CPED1: variants seen among roughly 807,000 people sequenced by gnomAD.
CPED1 encodes cadherin-like and PC-esterase domain-containing protein 1.
A neutral mutation model predicts 128.2 loss-of-function variants in CPED1; 114 were observed. The observed-to-expected ratio is 0.89, with a 90% CI of 0.76 to 1.04. The LOEUF is 1.04. CPED1 is among the 50% of genes least tolerant of loss of function. CPED1 has a pLI of 0.00. For missense variants in CPED1, 1,211 were observed against 1,207.1 expected, an observed-to-expected ratio of 1.00 and a Z score of -0.05; for synonymous variants, 462 against 426.7, an observed-to-expected ratio of 1.08 and a Z score of -1.02.
intron 18 of CPED1, among the ~76,000 whole-genome samples, chr7:121,259,679 C>A (rs941672447): frequency 1.3e-5 from 2 of 151,924 alleles, no homozygotes; most frequent in African/African-American, 4.8e-5. Context: ...ATATGACAAT[C>A]AAATTTACAA....
chr7:121,273,424 A>C (rs1004571114), intron 22 of CPED1, among the ~76,000 whole-genome samples: 1 of 152,058 alleles, frequency 6.6e-6, no homozygotes, highest in African/African-American at 2.4e-5. Context: ...GGGGAGGTAG[A>C]GGCAGGAGAA....
intron 2 of CPED1, among the ~76,000 whole-genome samples, chr7:121,012,490 A>G (rs1245865025): frequency 6.6e-6 from 1 of 152,248 alleles, no homozygotes; most frequent in Non-Finnish European, 1.5e-5. Flanking sequence ...TACCTTTGGA[A>G]TTGTGGGAAT....
chr7:121,286,828 A>T (rs1244477752), intron 22 of CPED1, among the ~76,000 whole-genome samples: 1 of 152,162 alleles, frequency 6.6e-6, no homozygotes, highest in Non-Finnish European at 1.5e-5. Flanking sequence ...TACTGCTATA[A>T]AGGACTTCCT....
At chr7:120,999,528 T>C (rs933598602) in intron 2 of CPED1, among the ~76,000 whole-genome samples, 1 of 152,192 alleles carries the variant, frequency 6.6e-6, no homozygotes, top group Non-Finnish European at 1.5e-5. Context: ...TTTTAACAGA[T>C]TGATCCTACC....
chr7:121,275,417 A>G (rs993265987), intron 22 of CPED1, among the ~76,000 whole-genome samples: 76 of 152,176 alleles, frequency 5.0e-4, no homozygotes, highest in African/African-American at 1.8e-3. Flanking sequence ...AACAGGATCC[A>G]GGTAGCTCTT....
At chr7:121,038,438 C>A (rs987154832) in intron 3 of CPED1, among the ~76,000 whole-genome samples, 1 of 152,072 alleles carries the variant, frequency 6.6e-6, no homozygotes, top group Non-Finnish European at 1.5e-5. Flanking sequence ...ATTATTTTTA[C>A]CTTCAGCATT....
In CPED1 at chr7:121,141,018, G is replaced by A; in HGVS notation, c.1886+5G>A. The A allele has an allele frequency of 6.2e-7, 1 of 1,604,804 alleles. No individual in the cohort carries two copies. Among genetic ancestry groups the A allele is most frequent in the South Asian group, 1.1e-5 (1 of 89,330 alleles). Reference sequence around the variant, plus strand: ...GTACGAGCAGGCAGGGCCAAGGTATGAGATGTTGACTGGGGCTGTGTTGAG... The same window carrying A: ...GTACGAGCAGGCAGGGCCAAGGTATAAGATGTTGACTGGGGCTGTGTTGAG... On this transcript the variant is annotated splice_donor_5th_base_variant and intron_variant, in intron 15 of 22. Coordinates refer to ENST00000310396, the MANE Select transcript of CPED1 (RefSeq NM_024913.5).
At chr7:121,071,292 G>A (rs1793983948) in intron 5 of CPED1, among the ~76,000 whole-genome samples, 1 of 152,016 alleles carries the variant, frequency 6.6e-6, no homozygotes, top group South Asian at 2.1e-4. Flanking sequence ...CCCATCCAGT[G>A]GTCTAGTCCT....
intron 12 of CPED1, 47 bp downstream of exon 12, chr7:121,130,341 T>G (rs567521138): frequency 6.7e-7 from 1 of 1,487,480 alleles, no homozygotes; most frequent in South Asian, 1.3e-5. Flanking sequence ...AAATCTCTAG[T>G]TTACAGATTG....
intron 7 of CPED1, among the ~76,000 whole-genome samples, chr7:121,110,714 T>A (rs899149853): frequency 6.6e-6 from 1 of 152,190 alleles, no homozygotes; most frequent in Non-Finnish European, 1.5e-5. Context: ...TTTTTCCCTA[T>A]GGGCAAAGGG....
At chr7:121,008,900 A>T (rs1792092789) in intron 2 of CPED1, among the ~76,000 whole-genome samples, 1 of 152,198 alleles carries the variant, frequency 6.6e-6, no homozygotes, top group Non-Finnish European at 1.5e-5. Flanking sequence ...AACAAGCCAG[A>T]GGACAGAGGC....
chr7:121,289,520 C>T (rs929238531), intron 22 of CPED1, among the ~76,000 whole-genome samples: 20 of 152,032 alleles, frequency 1.3e-4, no homozygotes, highest in Non-Finnish European at 2.2e-4. Flanking sequence ...AGCTCATTTG[C>T]AATGTAACTA....
chr7:121,225,014 T>C (rs184838222), intron 16 of CPED1, among the ~76,000 whole-genome samples: 122 of 152,200 alleles, frequency 8.0e-4, no homozygotes, highest in South Asian at 2.1e-3. Context: ...GAGCCTGTCA[T>C]TATGATGTTA....
intron 22 of CPED1, among the ~76,000 whole-genome samples, chr7:121,274,957 C>T (rs1343903705): frequency 6.6e-6 from 1 of 151,924 alleles, no homozygotes; most frequent in African/African-American, 2.4e-5. Flanking sequence ...TCTTATGAGC[C>T]TGGCAAATAA....
intron 17 of CPED1, 91 bp from the exon 18 acceptor site, chr7:121,244,111 C>T: frequency 1.4e-6 from 2 of 1,457,854 alleles, no homozygotes; most frequent in South Asian, 1.1e-5. Context: ...ACTATAATTT[C>T]TGAAATGGTG....
chr7:121,053,070 A>C (rs1053614207), intron 4 of CPED1, among the ~76,000 whole-genome samples: 2 of 152,208 alleles, frequency 1.3e-5, no homozygotes, highest in South Asian at 4.1e-4. Flanking sequence ...TTGCAAAAAT[A>C]ATACAAAGAT....
chr7:121,123,822 A>T (rs759804086), intron 7 of CPED1, among the ~76,000 whole-genome samples: 12 of 152,198 alleles, frequency 7.9e-5, no homozygotes, highest in Non-Finnish European at 1.5e-4. Context: ...AGCAACTTTG[A>T]TATATTTATT....
At chr7:121,258,738 C>T (rs1028706974) in intron 18 of CPED1, among the ~76,000 whole-genome samples, 3 of 151,972 alleles carry the variant, frequency 2.0e-5, no homozygotes, top group African/African-American at 4.8e-5. Flanking sequence ...AAATTGTGTA[C>T]GTACCTAAAT....
rs755272926 is a variant in CPED1, at chr7:120,989,798, C to G, written c.177C>G (p.Ser59Arg). 4.4e-5 allele frequency: 71 copies of G among 1,613,956 alleles called. No homozygotes were observed. The highest frequency in any genetic ancestry group is 5.8e-5 in the Non-Finnish European group (68 of 1,180,034). Residue 59 changes from serine (S) to arginine (R), a missense_variant, in exon 2 of 23, where the codon AGC becomes AGG. By Grantham distance (110) the Ser-to-Arg change is moderately radical (BLOSUM62 -1). Coordinates refer to ENST00000310396, the MANE Select transcript of CPED1 (RefSeq NM_024913.5). Reference sequence around the variant, plus strand: ...ACACATCCACTGAAACCCAGGCAAGCAGATGCAAGAAAGGATTCTCTCAGG... The same window carrying G: ...ACACATCCACTGAAACCCAGGCAAGGAGATGCAAGAAAGGATTCTCTCAGG... ...VPHTSTETQA[S>R]RCKKGFSQDK...
Sources: allele counts gnomAD v4.1 joint callset (sites outside exome capture counted in the v4.1 genomes callset), GRCh38; gene constraint gnomAD v4.1.1; transcripts MANE v1.5; gene names NCBI Gene and HGNC (gene_info 2026-07-23, HGNC 2026-07-21).